ARHGAP4: variants seen among roughly 807,000 people sequenced by gnomAD.
ARHGAP4 encodes Rho GTPase activating protein 4, also known as rho GTPase-activating protein 4.
ARHGAP4 carries 25 observed loss-of-function variants against 67.6 expected under a neutral mutation model. That is an observed-to-expected ratio of 0.37 (90% confidence interval 0.27 to 0.52). The LOEUF is 0.52. Ranked by LOEUF, ARHGAP4 falls within the 20% of genes least tolerant of loss-of-function variation. ARHGAP4 has a pLI of 0.92. For synonymous variants in ARHGAP4, 448 were observed against 373.7 expected, an observed-to-expected ratio of 1.20 and a Z score of -2.29; for missense variants, 804 against 854.6, an observed-to-expected ratio of 0.94 and a Z score of 0.74.
rs781990517 is a variant in ARHGAP4, at chrX:153,921,580, GC to G, written c.272+24del. The G allele has an allele frequency of 4.6e-4, 549 of 1,203,959 alleles. 1 individual carries two copies. The African/African-American group carries it at 7.8e-3, about 17-fold the overall frequency. ...GGAGCGGAGCTTGGGCCCTGCCGTG[GC>G]CCCCCTGCCAGCACATCACCTACCG... On this transcript the variant is annotated intron_variant, in intron 2 of 21. Transcript: ENST00000350060.
chrX:153,920,955 G>A, intron 4 of ARHGAP4, 142 bp downstream of exon 4: 1 of 892,910 alleles, frequency 1.1e-6, no homozygotes, highest in Non-Finnish European at 1.5e-6. Context: ...TGCCTAGGGA[G>A]AGAGGCCTTT....
chrX:153,921,577 G>A (rs781976454), intron 2 of ARHGAP4, 28 bp downstream of exon 2: 5 of 1,205,181 alleles, frequency 4.1e-6, no homozygotes, highest in African/African-American at 3.5e-5. Context: ...GGGCCCTGCC[G>A]TGGCCCCCCT....
chrX:153,913,578 G>A lies in ARHGAP4; in HGVS notation c.1157C>T (p.Thr386Ile), dbSNP rs1557103803. 1 of 1,208,468 alleles carries A rather than the reference G, an allele frequency of 8.3e-7. No individual in the cohort carries two copies. The highest frequency in any genetic ancestry group is 1.1e-6 in the Non-Finnish European group (1 of 893,415). ...TEEVNKTLKA[T>I]LQALLEVVAS... is the part of the protein sequence containing the mutation. ...CACCACCTCCAGCAGGGCCTGCAGT[G>A]TCGCCTTCAGAGTCTTGTTCACCTG... is the stretch of plus-strand genomic sequence containing the variant. Residue 386 changes from threonine to isoleucine, a missense_variant, in exon 9 of 22, where the codon ACA becomes ATA. Coordinates refer to ENST00000350060, the MANE Select transcript of ARHGAP4 (RefSeq NM_001666.5).
At chrX:153,921,223 T>C (rs2065091446) in intron 3 of ARHGAP4, 64 bp from the exon 4 acceptor site, 22 of 1,177,558 alleles carry the variant, frequency 1.9e-5, no homozygotes, top group Non-Finnish European at 2.5e-5. Flanking sequence ...CACTGGAAGC[T>C]CTGCCCAGAT....
At chrX:153,912,102 T>C (rs2065025403) in intron 12 of ARHGAP4, among the ~76,000 whole-genome samples, 1 of 109,675 alleles carries the variant, frequency 9.1e-6, no homozygotes, top group African/African-American at 3.3e-5. Flanking sequence ...CTCTCTCTTT[T>C]CCTTCCTTCC....
chrX:153,920,473 G>A (rs2065085095), intron 5 of ARHGAP4, 153 bp downstream of exon 5: 1 of 638,449 alleles, frequency 1.6e-6, no homozygotes. Context: ...CAGGCCCTGG[G>A]AGCCTTCCGT....
Position 153,910,665 on chromosome X carries a change from T to C in ARHGAP4, c.1816+35A>G, listed in dbSNP as rs1557102920. ...GCGTGAGCGGGGCTGCCCCAGCAAG[T>C]GCCCTACCCCGCCAGCCTCAGGCCC... On this transcript the variant is annotated intron_variant, in intron 15 of 21. Transcript: ENST00000350060. The C allele has an allele frequency of 7.6e-6, 9 of 1,181,255 alleles. No homozygotes were observed. In the Admixed American group the frequency reaches 2.1e-4, roughly 28 times the overall value.
At chrX:153,913,112 G>T in intron 10 of ARHGAP4, 61 bp from the exon 11 acceptor site, 1 of 1,168,051 alleles carries the variant, frequency 8.6e-7, no homozygotes, top group East Asian at 3.2e-5. Flanking sequence ...GCATCCCAGA[G>T]AGAAAGGTGT....
At chrX:153,925,701 G>A (rs1425910434) in intron 1 of ARHGAP4, among the ~76,000 whole-genome samples, 1 of 112,143 alleles carries the variant, frequency 8.9e-6, no homozygotes, top group Non-Finnish European at 1.9e-5. Flanking sequence ...TCCAGGGACT[G>A]CAGTGGGGTT....
intron 1 of ARHGAP4, chrX:153,922,188 C>A (rs1176653064): frequency 4.6e-5 from 39 of 855,887 alleles, no homozygotes; most frequent in Non-Finnish European, 5.4e-5. Flanking sequence ...TCCCCTGCGA[C>A]TTCCTTTCCC....
intron 7 of ARHGAP4, among the ~76,000 whole-genome samples, chrX:153,916,247 C>G (rs782196926): frequency 1.1e-4 from 12 of 112,873 alleles, no homozygotes; most frequent in Admixed American, 3.7e-4. Flanking sequence ...ATCAAGACAT[C>G]CAATCATACA....
rs1441141866 is a variant in ARHGAP4 at position 153,924,107 on chromosome X, T to C, written c.67+2029A>G. On this transcript the variant is annotated intron_variant, in intron 1 of 21. Coordinates refer to ENST00000350060, the MANE Select transcript of ARHGAP4 (RefSeq NM_001666.5). ...TTTAACATTTTTTGATAAAAGTAAA[T>C]TTCATTTCATTCCAAGAAAGGTGTT... Among the ~76,000 whole-genome samples the C allele has an allele frequency of 2.7e-5, 3 of 111,850 alleles. No individual in the cohort carries two copies. The Admixed American group carries it at 2.8e-4, about 11-fold the overall frequency.
chrX:153,908,377 CCCTGGGCCTGGGGGCTTGGCCACA>C (rs2064987763), intron 21 of ARHGAP4, among the ~76,000 whole-genome samples: 1 of 111,980 alleles, frequency 8.9e-6, no homozygotes, highest in East Asian at 2.8e-4. Context: ...TCCCTGGGCT[CCCTGGGCCTGGGGGCTTGGCCACA>C]CCTGGGACAC....
chrX:153,913,370 G>A (rs782292444), intron 9 of ARHGAP4, 39 bp downstream of exon 9: 109 of 1,205,465 alleles, frequency 9.0e-5, no homozygotes, highest in Non-Finnish European at 1.2e-4. Flanking sequence ...CCCCAGCAAT[G>A]CCCCCACGGG....
chrX:153,913,342 C>T (rs1569545910), intron 9 of ARHGAP4, 40 bp from the exon 10 acceptor site: 1 of 1,203,100 alleles, frequency 8.3e-7, no homozygotes, highest in East Asian at 3.0e-5. Context: ...TTAGCCCTGG[C>T]TTGAGCCCCT....
chrX:153,920,743 G>A lies in ARHGAP4; in HGVS notation c.564C>T (p.Ala188=), dbSNP rs782580006. The change falls in exon 5 of 22, where the codon GCC becomes GCT. Residue 188 remains alanine, a synonymous_variant. Coordinates refer to ENST00000350060, the MANE Select transcript of ARHGAP4 (RefSeq NM_001666.5). ...SVNAEAKLRE[A]ERQEEKRAGR... ...CTGCCCGCTTCTCCTCCTGCCGCTC[G>A]GCCTCCCGGAGCTTGGCCTCGGCAT... is the stretch of plus-strand genomic sequence containing the variant. 14 of 1,211,965 alleles carry A rather than the reference G, an allele frequency of 1.2e-5. No homozygotes were observed. Among genetic ancestry groups the A allele is most frequent in the South Asian group, 8.8e-5 (5 of 57,051 alleles).
intron 4 of ARHGAP4, 133 bp from the exon 5 acceptor site, chrX:153,920,941 C>T: frequency 2.1e-6 from 2 of 971,701 alleles, no homozygotes; most frequent in Middle Eastern, 2.7e-4. Flanking sequence ...AGCCTAACGC[C>T]CTGTGCCTAG....
At chrX:153,919,772 T>G in intron 5 of ARHGAP4, 1 of 923,675 alleles carries the variant, frequency 1.1e-6, no homozygotes, top group Admixed American at 4.9e-5. Flanking sequence ...GTTCTAAAAC[T>G]GGCACTCTAT....
intron 1 of ARHGAP4, chrX:153,922,293 C>A (rs1417329278): frequency 9.2e-6 from 7 of 762,522 alleles, no homozygotes; most frequent in African/African-American, 4.6e-5. Context: ...AAGCCTGCAG[C>A]GATCTCGCAG....
Sources: gnomAD v4.1 joint callset for allele counts (sites outside exome capture counted in the v4.1 genomes callset) on GRCh38, gnomAD v4.1.1 for gene constraint, MANE v1.5 for transcripts, NCBI Gene and HGNC (gene_info 2026-07-23, HGNC 2026-07-21) for gene names.